Variants in HIF1A observed in about 807,000 individuals in gnomAD.
HIF1A encodes the protein hypoxia inducible factor 1 subunit alpha.
Under a neutral mutation model 92.7 loss-of-function variants are expected in HIF1A, and 24 were observed. The ratio of observed to expected loss-of-function variants is 0.26; its 90% CI spans 0.19 to 0.36. HIF1A has a LOEUF of 0.36. Among genes scored for constraint, HIF1A ranks in the 10% least tolerant of loss-of-function variants. The pLI is 1.00. For missense variants in HIF1A, 799 were observed against 998.5 expected (o/e 0.80, Z 2.69); for synonymous variants, 319 against 338.7 (o/e 0.94, Z 0.64).
Position 61,746,953 on chromosome 14 carries a change from G to A in HIF1A, c.2349G>A (p.Leu783=), listed in dbSNP as rs772563698. 6.2e-7 allele frequency: 1 copy of A among 1,611,864 alleles called. No homozygotes were observed. The highest frequency in any genetic ancestry group is 8.5e-7 in the Non-Finnish European group (1 of 1,179,090). ...TTTCAGATTTAGCATGTAGACTGCTGGGGCAATCAATGGATGAAAGTGGAT... is the reference window on the plus strand; with the variant it reads ...TTTCAGATTTAGCATGTAGACTGCTAGGGCAATCAATGGATGAAAGTGGAT... ...LIPSDLACRL[L]GQSMDESGLP... is the part of the protein sequence containing the mutation. The change falls in exon 15 of 15, where the codon CTG becomes CTA. Residue 783 remains leucine, a synonymous_variant. Transcript: ENST00000337138.
At chr14:61,707,604 G>T (rs1395891744) in intron 1 of HIF1A, among the ~76,000 whole-genome samples, 1 of 151,704 alleles carries the variant, frequency 6.6e-6, no homozygotes, top group African/African-American at 2.4e-5. Context: ...ATGGTTTCCG[G>T]CTTCATCCAT....
At chr14:61,716,094 G>C (rs2044360324) in intron 1 of HIF1A, among the ~76,000 whole-genome samples, 2 of 152,148 alleles carry the variant, frequency 1.3e-5, no homozygotes, top group African/African-American at 4.8e-5. Context: ...GAGACTTTAA[G>C]AAGTGCAGGG....
At chr14:61,744,458 A>T (rs1385444473) in intron 12 of HIF1A, among the ~76,000 whole-genome samples, 3 of 151,034 alleles carry the variant, frequency 2.0e-5, no homozygotes, top group Non-Finnish European at 4.4e-5. Context: ...GGTTGCAGTA[A>T]GCAGAGATCA....
chr14:61,737,587 A>G (rs1053298085), intron 9 of HIF1A, among the ~76,000 whole-genome samples: 3 of 152,230 alleles, frequency 2.0e-5, no homozygotes, highest in African/African-American at 7.2e-5. Flanking sequence ...CGCGGTATCA[A>G]TAGTGGATTG....
chr14:61,696,473 C>A (rs553911889), intron 1 of HIF1A, among the ~76,000 whole-genome samples: 16 of 152,204 alleles, frequency 1.1e-4, no homozygotes, highest in African/African-American at 2.4e-5. Flanking sequence ...AAGATGCGAA[C>A]TTTTTAGTTT....
At position 61,747,193 on chromosome 14, in the gene HIF1A, A is replaced by C; in HGVS notation, c.*108A>C. ...TTTAGAAGCCTGGCTACAATACTGC[A>C]CAAACTTGGTTAGTTCAATTTTGAT... On this transcript the variant is annotated 3_prime_UTR_variant, in exon 15 of 15. Transcript: ENST00000337138. 1.1e-6 allele frequency: 1 copy of C among 916,392 alleles called. No homozygotes were observed. The highest frequency in any genetic ancestry group is 1.6e-6 in the Non-Finnish European group (1 of 636,468). 56.8% of individuals were successfully genotyped at this position (916,392 alleles called of 1,614,324 possible). A position where few individuals can be genotyped will look rare whatever the true frequency, so the allele number is the denominator to read the frequency against.
At chr14:61,707,160 G>A (rs2044247895) in intron 1 of HIF1A, among the ~76,000 whole-genome samples, 1 of 152,174 alleles carries the variant, frequency 6.6e-6, no homozygotes, top group Non-Finnish European at 1.5e-5. Flanking sequence ...TCTTCTTAGA[G>A]CAGAGGGGCT....
chr14:61,741,367 T>TC (rs2044710160), intron 12 of HIF1A, among the ~76,000 whole-genome samples, 179 bp downstream of exon 12: 1 of 150,058 alleles, frequency 6.7e-6, no homozygotes, highest in Admixed American at 6.6e-5. Flanking sequence ...TTTCTTTCTT[T>TC]TTTTTTTTTT....
At chr14:61,734,078 A>C (rs2044607110) in intron 7 of HIF1A, 60 bp from the exon 8 acceptor site, 5 of 1,147,794 alleles carry the variant, frequency 4.4e-6, no homozygotes, top group Non-Finnish European at 4.8e-6. Context: ...CTGTTCATTT[A>C]ATTGAAAATT....
intron 12 of HIF1A, among the ~76,000 whole-genome samples, chr14:61,742,089 C>T (rs2044718553): frequency 6.6e-6 from 1 of 152,078 alleles, no homozygotes; most frequent in Non-Finnish European, 1.5e-5. Flanking sequence ...TCAAACTGTA[C>T]AACAGGAATC....
At chr14:61,714,330 T>C (rs74600071) in intron 1 of HIF1A, among the ~76,000 whole-genome samples, 1 of 152,332 alleles carries the variant, frequency 6.6e-6, no homozygotes, top group African/African-American at 2.4e-5. Flanking sequence ...ATGTGAGATG[T>C]TGTTTTAGTA....
intron 9 of HIF1A, among the ~76,000 whole-genome samples, chr14:61,737,409 T>A (rs1345774174): frequency 1.3e-5 from 2 of 152,320 alleles, no homozygotes; most frequent in East Asian, 3.9e-4. Context: ...TTCTCCACAG[T>A]TTAGCAGAGT....
chr14:61,732,634 G>T (rs2044590355), intron 7 of HIF1A, 110 bp downstream of exon 7: 1 of 651,356 alleles, frequency 1.5e-6, no homozygotes, highest in Non-Finnish European at 2.7e-6. Context: ...GACTAAATGT[G>T]TTAACAGGCC....
intron 1 of HIF1A, 103 bp from the exon 2 acceptor site, chr14:61,720,279 T>C: frequency 1.3e-6 from 1 of 767,878 alleles, no homozygotes; most frequent in East Asian, 2.8e-5. Context: ...TGGCATCTTC[T>C]AATCCTTCTG....
intron 4 of HIF1A, among the ~76,000 whole-genome samples, chr14:61,726,208 T>G (rs765039164): frequency 6.6e-6 from 1 of 151,968 alleles, no homozygotes; most frequent in African/African-American, 2.4e-5. Flanking sequence ...CCTGCTTTAC[T>G]AGATAAATTA....
chr14:61,745,082 T>G (rs1201432242), intron 13 of HIF1A, among the ~76,000 whole-genome samples: 1 of 152,180 alleles, frequency 6.6e-6, no homozygotes. Flanking sequence ...ACCCTGAATA[T>G]CACCACCAAT....
chr14:61,724,064 CTT>C (rs1366945389), intron 4 of HIF1A, among the ~76,000 whole-genome samples: 4 of 145,294 alleles, frequency 2.8e-5, no homozygotes, highest in Admixed American at 6.7e-5. Flanking sequence ...CAAAATATGA[CTT>C]ATTTTTAGAG....
At chr14:61,722,021 ATAAT>A (rs1449149638) in intron 4 of HIF1A, among the ~76,000 whole-genome samples, 198 bp downstream of exon 4, 1 of 152,296 alleles carries the variant, frequency 6.6e-6, no homozygotes, top group East Asian at 1.9e-4. Context: ...AATTGCATAA[ATAAT>A]TGTGTGGGTG....
chr14:61,729,119 C>T (rs984458645), intron 6 of HIF1A, among the ~76,000 whole-genome samples: 1 of 152,110 alleles, frequency 6.6e-6, no homozygotes, highest in African/African-American at 2.4e-5. Flanking sequence ...ACAATGTGGC[C>T]TTGGCCTTGG....
Sources: allele counts gnomAD v4.1 joint callset (sites outside exome capture counted in the v4.1 genomes callset), GRCh38; gene constraint gnomAD v4.1.1; transcripts MANE v1.5; gene names NCBI Gene and HGNC (gene_info 2026-07-23, HGNC 2026-07-21).